Variants in SBNO1 observed in about 807,000 individuals in gnomAD.
The protein encoded by SBNO1 is protein strawberry notch homolog 1.
In SBNO1, 23 loss-of-function variants were observed where a neutral mutation model predicts 173.6. The observed-to-expected ratio is 0.13, with a 90% confidence interval of 0.10 to 0.19. The LOEUF (loss-of-function observed/expected upper bound fraction) is 0.19. Ranked by LOEUF, SBNO1 falls within the 10% of genes least tolerant of loss-of-function variation. SBNO1 has a pLI of 1.00. For missense variants in SBNO1, 1,238 were observed against 1,671.2 expected (o/e 0.74, Z 4.52); for synonymous variants, 632 against 571.5 (o/e 1.11, Z -1.51).
At chr12:123,346,610 G>A (rs1003294345) in intron 3 of SBNO1, among the ~76,000 whole-genome samples, 6 of 152,144 alleles carry the variant, frequency 3.9e-5, no homozygotes, top group East Asian at 1.9e-4. Context: ...GTTGCAGTGC[G>A]CCGAGATCGC....
At position 123,311,049 on chromosome 12, in the gene SBNO1, T is replaced by C. The variant is rs778794125; in HGVS notation, c.3295+6A>G. On this transcript the variant is annotated splice_donor_region_variant and intron_variant, in intron 25 of 31. Transcript: ENST00000602398. ...TTATATGCCCACACAAAGCTAATAG[T>C]AGTACCTTTATCGAGAGTAAGAATT... The C allele has an allele frequency of 3.1e-6, 5 of 1,597,622 alleles. No individual in the cohort carries two copies. The highest frequency in any genetic ancestry group is 4.3e-6 in the Non-Finnish European group (5 of 1,165,144).
intron 16 of SBNO1, among the ~76,000 whole-genome samples, chr12:123,322,889 A>T (rs964724650): frequency 2.9e-5 from 4 of 138,168 alleles, no homozygotes; most frequent in Non-Finnish European, 4.8e-5. Context: ...CTCAAAAAAA[A>T]AAAAGAAAAA....
At chr12:123,321,776 T>C (rs780343870) in intron 16 of SBNO1, 44 bp from the exon 17 acceptor site, 2 of 1,482,160 alleles carry the variant, frequency 1.3e-6, no homozygotes, top group African/African-American at 1.4e-5. Context: ...AATTCAATGT[T>C]TCTTAAGATC....
intron 21 of SBNO1, 27 bp downstream of exon 21, chr12:123,317,194 A>C: frequency 2.5e-6 from 4 of 1,612,038 alleles, no homozygotes; most frequent in Non-Finnish European, 3.4e-6. Flanking sequence ...CTATCCATTA[A>C]GTGAAATCCA....
At chr12:123,363,639 G>C (rs1312575826) in intron 1 of SBNO1, among the ~76,000 whole-genome samples, 2 of 152,166 alleles carry the variant, frequency 1.3e-5, no homozygotes, top group African/African-American at 4.8e-5. Context: ...ACAATTGGCT[G>C]CGCAATTCAA....
At chr12:123,356,714 G>C (rs1277982580) in intron 1 of SBNO1, among the ~76,000 whole-genome samples, 5 of 152,144 alleles carry the variant, frequency 3.3e-5, no homozygotes, top group African/African-American at 1.2e-4. Flanking sequence ...ACAGTGTTGG[G>C]ATTACAGGCG....
intron 9 of SBNO1, among the ~76,000 whole-genome samples, chr12:123,329,258 G>A (rs1278154989): frequency 2.6e-5 from 4 of 152,078 alleles, no homozygotes; most frequent in Non-Finnish European, 2.9e-5. Context: ...GTGCGTGTCT[G>A]CAGTCCCAGC....
intron 1 of SBNO1, among the ~76,000 whole-genome samples, chr12:123,353,944 G>C (rs1394649844): frequency 6.6e-6 from 1 of 152,076 alleles, no homozygotes; most frequent in African/African-American, 2.4e-5. Context: ...CAGGCCACAG[G>C]ATCCATCAGT....
intron 4 of SBNO1, among the ~76,000 whole-genome samples, chr12:123,341,318 G>A (rs1159524290): frequency 6.6e-6 from 1 of 151,732 alleles, no homozygotes; most frequent in Non-Finnish European, 1.5e-5. Context: ...GCGTGGTGGC[G>A]GGCACCTGTA....
At chr12:123,314,066 A>C (rs1340654603) in intron 23 of SBNO1, among the ~76,000 whole-genome samples, 1 of 152,172 alleles carries the variant, frequency 6.6e-6, no homozygotes, top group African/African-American at 2.4e-5. Flanking sequence ...CCTGGGCGAC[A>C]AGAGCAAAAA....
chr12:123,344,353 G>A (rs1872871948), intron 4 of SBNO1, among the ~76,000 whole-genome samples: 1 of 152,124 alleles, frequency 6.6e-6, no homozygotes, highest in African/African-American at 2.4e-5. Context: ...TCAGGACAAT[G>A]ACCTTGAGAG....
At chr12:123,326,090 G>T in intron 14 of SBNO1, 62 bp downstream of exon 14, 2 of 1,143,092 alleles carry the variant, frequency 1.7e-6, no homozygotes, top group Admixed American at 3.0e-5. Context: ...GAAAACCTCA[G>T]CACCCACAAA....
chr12:123,352,381 G>T (rs563932667), intron 1 of SBNO1, among the ~76,000 whole-genome samples: 3 of 152,134 alleles, frequency 2.0e-5, no homozygotes, highest in Non-Finnish European at 4.4e-5. Context: ...GCGCGGTCTC[G>T]GCTCACTGCA....
At position 123,320,752 on chromosome 12, in the gene SBNO1, C is replaced by T. The variant is rs377201930; in HGVS notation, c.2438G>A (p.Arg813Gln). The T allele has an allele frequency of 1.2e-6, 2 of 1,612,188 alleles. No individual in the cohort carries two copies. Among genetic ancestry groups the T allele is most frequent in the Admixed American group, 1.7e-5 (1 of 59,636 alleles). The change falls in exon 18 of 32, where the codon CGA becomes CAA. Residue 813 changes from arginine (R) to glutamine (Q), a missense_variant. This residue lies in a region of SBNO1 where 74 missense variants were observed against 68.5 expected (regional missense o/e 1.08). Transcript: ENST00000602398. Reference sequence around the variant, plus strand: ...AACTGGTGTAGATGAAAAACTAGGTCGTTTTGATCCAAGACCTGATGCTAA... The same window carrying T: ...AACTGGTGTAGATGAAAAACTAGGTTGTTTTGATCCAAGACCTGATGCTAA... ...ALLASGLGSK[R>Q]PSFSSTPVIS...
intron 5 of SBNO1, among the ~76,000 whole-genome samples, chr12:123,337,996 C>G (rs1332813627): frequency 6.6e-6 from 1 of 152,028 alleles, no homozygotes; most frequent in African/African-American, 2.4e-5. Context: ...TACCTTGAAG[C>G]CAGGTGCATG....
In SBNO1 at chr12:123,291,714, C is replaced by A. The variant is rs2048515492; in HGVS notation, c.*4194G>T. 1 of 146,828 alleles carries A rather than the reference C, an allele frequency of 6.8e-6. No individual in the cohort carries two copies. 9.1% of individuals were successfully genotyped at this position (146,828 alleles called of 1,614,324 possible). On this transcript the variant is annotated 3_prime_UTR_variant, in exon 32 of 32. Coordinates refer to ENST00000602398, the MANE Select transcript of SBNO1 (RefSeq NM_001167856.3). ...AAAAAAAAAAAGTCATAAGATGCCC[C>A]ATATGGGAAAGTCAAGAAAAGAATA...
intron 4 of SBNO1, 41 bp downstream of exon 4, chr12:123,345,217 T>C (rs374389655): frequency 3.9e-5 from 59 of 1,524,380 alleles, no homozygotes; most frequent in Non-Finnish European, 5.1e-5. Context: ...TGACATAGCT[T>C]ACCAGAGAGA....
At chr12:123,332,836 G>A (rs10846520) in intron 7 of SBNO1, among the ~76,000 whole-genome samples, 145,040 of 152,288 alleles carry the variant, frequency 0.95, 69,197 homozygotes, top group Non-Finnish European at 0.96. Flanking sequence ...CCAAAGTACT[G>A]GGATTGGGCC....
Position 123,350,375 on chromosome 12 carries a change from G to C in SBNO1, c.67C>G (p.Leu23Val). 1 of 1,614,058 alleles carries C rather than the reference G, an allele frequency of 6.2e-7. No homozygotes were observed. The highest frequency in any genetic ancestry group is 8.5e-7 in the Non-Finnish European group (1 of 1,179,922). Residue 23 changes from leucine to valine, a missense_variant, in exon 2 of 32, where the codon CTC becomes GTC. By Grantham distance (32) the Leu-to-Val change is conservative. This residue lies in a region of SBNO1 where 287 missense variants were observed against 274.1 expected (regional missense o/e 1.05). Coordinates refer to ENST00000602398, the MANE Select transcript of SBNO1 (RefSeq NM_001167856.3). ...LSESGISPND[L>V]FDIDGGDAGL... is the part of the protein sequence containing the mutation. ...GCATCTCCACCATCAATATCAAAGAGGTCATTCGGACTAATTCCACTCTCA... is the reference window on the plus strand; with the variant it reads ...GCATCTCCACCATCAATATCAAAGACGTCATTCGGACTAATTCCACTCTCA...
Sources: allele counts gnomAD v4.1 joint callset (sites outside exome capture counted in the v4.1 genomes callset), GRCh38; gene constraint gnomAD v4.1.1; regional missense constraint gnomAD v4.1.1; transcripts MANE v1.5; gene names NCBI Gene and HGNC (gene_info 2026-07-23, HGNC 2026-07-21).